The following PVT1 variants were observed in gnomAD, a reference collection of about 807,000 sequenced individuals.
PVT1 encodes the protein Pvt1 oncogene.
intron 4 of PVT1, among the ~76,000 whole-genome samples, chr8:128,044,919 A>G (rs549894527): frequency 2.0e-5 from 3 of 152,206 alleles, no homozygotes; most frequent in East Asian, 1.9e-4. Flanking sequence ...CATCCATACA[A>G]TTCTTGATAT....
At chr8:127,902,269 A>G (rs116461141) in intron 3 of PVT1, among the ~76,000 whole-genome samples, 172 of 152,270 alleles carry the variant, frequency 1.1e-3, no homozygotes, top group African/African-American at 4.0e-3. Context: ...CTACCTGTGA[A>G]TTGAATGATA....
At chr8:127,843,753 TG>T (rs1814998780) in intron 2 of PVT1, among the ~76,000 whole-genome samples, 1 of 84,260 alleles carries the variant, frequency 1.2e-5, no homozygotes, top group East Asian at 2.9e-4. Flanking sequence ...CCTGTTTGGC[TG>T]TTTTTTTAAT....
chr8:127,800,612 C>T (rs55951103), intron 2 of PVT1, among the ~76,000 whole-genome samples: 46,487 of 151,914 alleles, frequency 0.31, 8,434 homozygotes, highest in African/African-American at 0.51. Flanking sequence ...ATTCCCCTTC[C>T]TGAGTTATTT....
intron 3 of PVT1, among the ~76,000 whole-genome samples, chr8:127,977,003 A>C (rs1816829585): frequency 6.6e-6 from 1 of 152,166 alleles, no homozygotes; most frequent in Admixed American, 6.5e-5. Context: ...GATGTGTAGT[A>C]ATAGGCTAAA....
chr8:128,033,727 G>T (rs1313967387), intron 4 of PVT1, among the ~76,000 whole-genome samples: 1 of 152,194 alleles, frequency 6.6e-6, no homozygotes. Context: ...TTTAACAATG[G>T]CCTTGAAGTA....
At chr8:128,005,237 C>T (rs1007546899) in intron 4 of PVT1, among the ~76,000 whole-genome samples, 3 of 151,972 alleles carry the variant, frequency 2.0e-5, no homozygotes, top group African/African-American at 7.2e-5. Context: ...TTAGACCAAG[C>T]TTGTGAGATT....
chr8:128,033,150 A>C (rs1813414718), intron 4 of PVT1, among the ~76,000 whole-genome samples: 1 of 152,246 alleles, frequency 6.6e-6, no homozygotes, highest in African/African-American at 2.4e-5. Context: ...AGAAAGAAGA[A>C]GAGACTAGCA....
intron 2 of PVT1, among the ~76,000 whole-genome samples, chr8:127,888,201 A>C (rs973165100): frequency 6.6e-6 from 1 of 151,988 alleles, no homozygotes; most frequent in Non-Finnish European, 1.5e-5. Flanking sequence ...CGGCCTCCCA[A>C]AGTGCTGGGA....
intron 3 of PVT1, chr8:127,948,253 G>T (rs530970187): frequency 8.8e-5 from 26 of 295,742 alleles, no homozygotes; most frequent in Non-Finnish European, 1.5e-4. Context: ...GTGGAGCACA[G>T]AGGTATTCCC....
chr8:128,063,492 A>G (rs1813857961), intron 4 of PVT1, among the ~76,000 whole-genome samples: 1 of 152,178 alleles, frequency 6.6e-6, no homozygotes, highest in African/African-American at 2.4e-5. Flanking sequence ...AGCCTGGGCA[A>G]CAGAGTGAGA....
chr8:128,001,277 C>T (rs1030918219), intron 4 of PVT1, among the ~76,000 whole-genome samples: 4 of 152,200 alleles, frequency 2.6e-5, no homozygotes, highest in African/African-American at 4.8e-5. Flanking sequence ...GGTGACGCTT[C>T]GGGTTTTCCA....
At chr8:127,974,486 T>C (rs554835102) in intron 3 of PVT1, among the ~76,000 whole-genome samples, 1 of 152,310 alleles carries the variant, frequency 6.6e-6, no homozygotes, top group South Asian at 2.1e-4. Context: ...ACAATCTTGA[T>C]TCACTGCAAC....
At chr8:127,960,879 GA>G (rs1816632640) in intron 3 of PVT1, among the ~76,000 whole-genome samples, 1 of 143,262 alleles carries the variant, frequency 7.0e-6, no homozygotes, top group Non-Finnish European at 1.5e-5. Flanking sequence ...GGAAGTACAG[GA>G]ATGAGTTGGA....
At chr8:128,083,237 A>G (rs1395251918) in intron 5 of PVT1, among the ~76,000 whole-genome samples, 1 of 152,248 alleles carries the variant, frequency 6.6e-6, no homozygotes, top group Admixed American at 6.5e-5. Flanking sequence ...GGATCATCGA[A>G]TGGCTAAACA....
intron 3 of PVT1, among the ~76,000 whole-genome samples, chr8:127,941,367 G>A (rs1390736355): frequency 6.6e-6 from 1 of 152,212 alleles, no homozygotes; most frequent in Non-Finnish European, 1.5e-5. Flanking sequence ...CATATTCACA[G>A]GTTCCAGGAA....
intron 5 of PVT1, among the ~76,000 whole-genome samples, chr8:128,083,337 A>T (rs943431255): frequency 2.6e-5 from 4 of 152,236 alleles, no homozygotes; most frequent in Admixed American, 1.3e-4. Context: ...AGTAGTCACT[A>T]TTATAGGCCT....
At chr8:127,971,982 C>A (rs76580454) in intron 3 of PVT1, among the ~76,000 whole-genome samples, 1 of 152,172 alleles carries the variant, frequency 6.6e-6, no homozygotes, top group Non-Finnish European at 1.5e-5. Context: ...CTACTCAGAT[C>A]GCCCTTGGAA....
chr8:127,977,252 A>G (rs1816832033), intron 3 of PVT1, among the ~76,000 whole-genome samples: 1 of 152,068 alleles, frequency 6.6e-6, no homozygotes, highest in Admixed American at 6.5e-5. Flanking sequence ...GGGCATCTGA[A>G]TGAGGATGGC....
At chr8:127,817,354 CAT>C (rs897177157) in intron 2 of PVT1, among the ~76,000 whole-genome samples, 9 of 127,074 alleles carry the variant, frequency 7.1e-5, no homozygotes, top group Non-Finnish European at 1.1e-4. Context: ...GAGTCTGTTA[CAT>C]ATATATATAT....
Sources: gnomAD v4.1 joint callset for allele counts (sites outside exome capture counted in the v4.1 genomes callset) on GRCh38, gnomAD v4.1.1 for gene constraint, MANE v1.5 for transcripts, NCBI Gene and HGNC (gene_info 2026-07-23, HGNC 2026-07-21) for gene names.